The following KCNT1 variants were observed in gnomAD, a reference collection of about 807,000 sequenced individuals.
KCNT1 encodes potassium sodium-activated channel subfamily T member 1.
Under a neutral mutation model 147.8 loss-of-function variants are expected in KCNT1, and 78 were observed. That is an observed-to-expected ratio of 0.53 (90% confidence interval 0.44 to 0.64). The LOEUF (loss-of-function observed/expected upper bound fraction) is 0.64. KCNT1 is among the 30% of genes least tolerant of loss of function. The probability of loss-of-function intolerance (pLI) is 0.00; values close to 1 mark genes in which losing one functional copy is unlikely to be tolerated. For missense variants in KCNT1, 1,419 were observed against 1,750.3 expected (o/e 0.81, Z 3.38); for synonymous variants, 867 against 748.8 (o/e 1.16, Z -2.58).
intron 2 of KCNT1, among the ~76,000 whole-genome samples, chr9:135,738,972 G>A (rs1170295433): frequency 6.6e-6 from 1 of 152,062 alleles, no homozygotes; most frequent in African/African-American, 2.4e-5. Context: ...GTGAGACCCC[G>A]CTGCATCAGG....
chr9:135,751,586 G>A (rs59177441), intron 4 of KCNT1, among the ~76,000 whole-genome samples: 4,067 of 152,268 alleles, frequency 0.027, 172 homozygotes, highest in African/African-American at 0.093. Flanking sequence ...CGCGATGAGG[G>A]TGGGTGGGAA....
intron 30 of KCNT1, 31 bp from the exon 31 acceptor site, chr9:135,792,010 C>T (rs368284062): frequency 1.2e-6 from 2 of 1,602,382 alleles, no homozygotes; most frequent in African/African-American, 1.3e-5. Flanking sequence ...CGGCCCACAT[C>T]CACTCCAGGG....
chr9:135,758,708 AG>A (rs1465821392), intron 10 of KCNT1, among the ~76,000 whole-genome samples, 200 bp downstream of exon 10: 1 of 152,214 alleles, frequency 6.6e-6, no homozygotes, highest in Non-Finnish European at 1.5e-5. Flanking sequence ...CCAGTACACG[AG>A]CAGCCCTGCA....
rs773072248 is a variant in KCNT1 at position 135,771,058 on chromosome 9, G to C, written c.1971G>C (p.Pro657=). The C allele has an allele frequency of 6.2e-7, 1 of 1,611,732 alleles. No individual in the cohort carries two copies. Among genetic ancestry groups the C allele is most frequent in the Non-Finnish European group, 8.5e-7 (1 of 1,179,250 alleles). ...CGGGGCAGGGGCTGCACGAGGGTCC[G>C]GCCCGCCTGCCCGTGCACAGCATCA... is the stretch of plus-strand genomic sequence containing the variant. ...AFSGQGLHEG[P]ARLPVHSIIA... is the part of the protein sequence containing the mutation. The change falls in exon 18 of 31, where the codon CCG becomes CCC. Residue 657 remains proline (P), a synonymous_variant. Coordinates refer to ENST00000371757, the MANE Select transcript of KCNT1 (RefSeq NM_020822.3).
rs765283220 is a variant in KCNT1, at chr9:135,784,804, G to A, written c.3071G>A (p.Arg1024His). ...GACCTGTGGATCCGCACGTACGGCC[G>A]CCTCTTCCAGAAGCTCTGCTCCTCC... ...EGDLWIRTYG[R>H]LFQKLCSSSA... Residue 1024 changes from arginine (R) to histidine (H), a missense_variant, in exon 27 of 31, where the codon CGC (arginine) becomes CAC (histidine). This residue lies in a region of KCNT1 where 247 missense variants were observed against 397.1 expected (regional missense o/e 0.62). Transcript: ENST00000371757. 24 of 1,612,650 alleles carry A rather than the reference G, an allele frequency of 1.5e-5. No individual in the cohort carries two copies. In the East Asian group the frequency reaches 2.0e-4, roughly 13 times the overall value.
chr9:135,745,011 G>A (rs1192831745), intron 2 of KCNT1, among the ~76,000 whole-genome samples: 3 of 152,192 alleles, frequency 2.0e-5, no homozygotes, highest in East Asian at 1.9e-4. Flanking sequence ...CCCTGAGCCC[G>A]CCTCCCAGGG....
At chr9:135,708,259 T>TGCCCATGTACATGTATGCATAC (rs1176514030) in intron 1 of KCNT1, among the ~76,000 whole-genome samples, 1 of 152,268 alleles carries the variant, frequency 6.6e-6, no homozygotes, top group African/African-American at 2.4e-5. Context: ...TGTATACATA[T>TGCCCATGTACATGTATGCATAC]GCCCATGTAC....
chr9:135,792,143 CGA>C lies in KCNT1; in HGVS notation c.3691_3692del (p.Asp1231ArgfsTer28). The C allele has an allele frequency of 6.2e-7, 1 of 1,605,822 alleles. No homozygotes were observed. The highest frequency in any genetic ancestry group is 8.5e-7 in the Non-Finnish European group (1 of 1,179,584). On this transcript the variant is annotated frameshift_variant, in exon 31 of 31. Coordinates refer to ENST00000371757, the MANE Select transcript of KCNT1 (RefSeq NM_020822.3). LOFTEE classifies it high-confidence loss of function. ...KLSSCNPETR[D>X]ETQL ...TGTCGTCCTGCAACCCCGAGACTCGCGACGAGACACAGCTCTGAGCCAGCCCT... is the reference window on the plus strand; with the variant it reads ...TGTCGTCCTGCAACCCCGAGACTCGCCGAGACACAGCTCTGAGCCAGCCCT...
chr9:135,786,170 C>A (rs760164489), intron 28 of KCNT1, 27 bp from the exon 29 acceptor site: 2 of 1,548,128 alleles, frequency 1.3e-6, no homozygotes, highest in Non-Finnish European at 1.8e-6. Context: ...CACCCCTCCC[C>A]GCCCTGCCCT....
intron 25 of KCNT1, 97 bp from the exon 26 acceptor site, chr9:135,784,438 G>T: frequency 1.1e-6 from 1 of 904,774 alleles, no homozygotes; most frequent in Non-Finnish European, 1.7e-6. Context: ...GGCCGGTGGG[G>T]TATGGACCTG....
At chr9:135,759,572 C>G (rs969785005) in intron 10 of KCNT1, 107 bp from the exon 11 acceptor site, 1 of 1,251,976 alleles carries the variant, frequency 8.0e-7, no homozygotes, top group Non-Finnish European at 1.1e-6. Flanking sequence ...TGATGCACAG[C>G]TCAGTCTCCT....
intron 6 of KCNT1, among the ~76,000 whole-genome samples, chr9:135,755,453 C>T (rs1208616701): frequency 6.7e-6 from 1 of 148,316 alleles, no homozygotes; most frequent in Non-Finnish European, 1.5e-5. Flanking sequence ...CATTTACTGA[C>T]CCAGGCTCAG....
chr9:135,769,858 C>T lies in KCNT1; in HGVS notation c.1511-89C>T, dbSNP rs573770197. On this transcript the variant is annotated intron_variant, in intron 15 of 30. Coordinates refer to ENST00000371757, the MANE Select transcript of KCNT1 (RefSeq NM_020822.3). ...GGGGTGCCAGGCAAGGGTGCATCTG[C>T]ATAGCACCTTCAGGAAGTGAGCAGG... is the stretch of plus-strand genomic sequence containing the variant. The T allele has an allele frequency of 5.3e-4, 498 of 941,568 alleles. 7 individuals are homozygous for T. In the South Asian group the frequency reaches 6.9e-3, roughly 13 times the overall value. 58.3% of individuals were successfully genotyped at this position (941,568 alleles called of 1,614,324 possible).
chr9:135,717,925 G>C (rs1013951359), intron 2 of KCNT1, among the ~76,000 whole-genome samples: 10 of 152,180 alleles, frequency 6.6e-5, no homozygotes, highest in Admixed American at 2.6e-4. Flanking sequence ...TCATGACCCC[G>C]ATGCTGGAAT....
intron 13 of KCNT1, among the ~76,000 whole-genome samples, chr9:135,767,302 G>A (rs59749401): frequency 0.13 from 19,113 of 152,274 alleles, 1,304 homozygotes; most frequent in East Asian, 0.26. Context: ...GCCATTCCCA[G>A]CCAGGCAGGG....
At chr9:135,755,059 G>C in intron 5 of KCNT1, 62 bp from the exon 6 acceptor site, 1 of 1,469,122 alleles carries the variant, frequency 6.8e-7, no homozygotes. Context: ...CCCAGCCCCA[G>C]GGTGGCTGGG....
At chr9:135,769,377 C>T (rs1424770537) in intron 15 of KCNT1, among the ~76,000 whole-genome samples, 6 of 152,144 alleles carry the variant, frequency 3.9e-5, no homozygotes, top group African/African-American at 1.4e-4. Flanking sequence ...TGTGGGGCAG[C>T]GGGAGGGGCT....
At position 135,702,433 on chromosome 9, in the gene KCNT1, C is replaced by T. The variant is rs372348322; in HGVS notation, c.110+65C>T. 336 of 1,294,084 alleles carry T rather than the reference C, an allele frequency of 2.6e-4. 1 individual carries two copies. In the African/African-American group the frequency reaches 4.5e-3, roughly 17 times the overall value. The allele number at this position is 1,294,084 out of a possible 1,614,324, so 80.2% of individuals were successfully genotyped here. On this transcript the variant is annotated intron_variant, in intron 1 of 30. Coordinates refer to ENST00000371757, the MANE Select transcript of KCNT1 (RefSeq NM_020822.3). Reference sequence around the variant, plus strand: ...GTCTAACCTAAGACCCCCAAGTTCCCCCTCAGGCTCCCGCACCCTCCAGGA... The same window carrying T: ...GTCTAACCTAAGACCCCCAAGTTCCTCCTCAGGCTCCCGCACCCTCCAGGA...
intron 6 of KCNT1, among the ~76,000 whole-genome samples, chr9:135,756,090 G>A (rs1485782626): frequency 6.6e-6 from 1 of 151,210 alleles, no homozygotes; most frequent in Non-Finnish European, 1.5e-5. Flanking sequence ...TCAGTAAGCA[G>A]GGAAACCAGA....
Sources: allele counts gnomAD v4.1 joint callset (sites outside exome capture counted in the v4.1 genomes callset), GRCh38; gene constraint gnomAD v4.1.1; regional missense constraint gnomAD v4.1.1; transcripts MANE v1.5; gene names NCBI Gene and HGNC (gene_info 2026-07-23, HGNC 2026-07-21).